Variants in LRP1B observed in about 807,000 individuals in gnomAD.
LRP1B encodes the protein low-density lipoprotein receptor-related protein 1B.
Under a neutral mutation model 556.6 loss-of-function variants are expected in LRP1B, and 217 were observed. The observed-to-expected ratio is 0.39, with a 90% CI of 0.35 to 0.44. LRP1B has a LOEUF of 0.44. Ranked by LOEUF, LRP1B falls within the 20% of genes least tolerant of loss-of-function variation. LRP1B has a pLI of 1.00. For synonymous variants in LRP1B, 2,047 were observed against 1,865.8 expected, an observed-to-expected ratio of 1.10 and a Z score of -2.50; for missense variants, 5,053 against 5,620.8, an observed-to-expected ratio of 0.90 and a Z score of 3.23.
chr2:141,008,917 C>T (rs1489608371), intron 14 of LRP1B, among the ~76,000 whole-genome samples: 2 of 151,854 alleles, frequency 1.3e-5, no homozygotes. Context: ...ATTTCACAAG[C>T]CTATATTAAC....
At chr2:140,936,279 G>T (rs1183653647) in intron 20 of LRP1B, among the ~76,000 whole-genome samples, 4 of 139,638 alleles carry the variant, frequency 2.9e-5, no homozygotes, top group Non-Finnish European at 6.1e-5. Flanking sequence ...GGTGGAGGTT[G>T]CAGTGAGCTG....
Position 140,791,688 on chromosome 2 carries a change from A to G in LRP1B, c.5360-15450T>C, listed in dbSNP as rs577691474. Among the ~76,000 whole-genome samples, 3 of 152,310 alleles carry G rather than the reference A, an allele frequency of 2.0e-5. No homozygotes were observed. In the South Asian group the frequency reaches 6.2e-4, roughly 32 times the overall value. On this transcript the variant is annotated intron_variant, in intron 32 of 90. Transcript: ENST00000389484. ...GGGGCCAGAAGGAGCCATAATAGAC[A>G]ATGAGTCAGTCAGAACCAACTATTC...
chr2:141,234,920 T>G (rs1438954523), intron 5 of LRP1B, among the ~76,000 whole-genome samples: 2 of 152,094 alleles, frequency 1.3e-5, no homozygotes, highest in Non-Finnish European at 2.9e-5. Flanking sequence ...GAAAAAAATA[T>G]AGCATTGAAA....
At chr2:141,072,983 C>T (rs1164898383) in intron 7 of LRP1B, among the ~76,000 whole-genome samples, 2 of 152,154 alleles carry the variant, frequency 1.3e-5, no homozygotes, top group African/African-American at 4.8e-5. Flanking sequence ...CAACTATTTC[C>T]CTTTCTTCTG....
At chr2:141,385,409 G>T (rs1299813746) in intron 3 of LRP1B, among the ~76,000 whole-genome samples, 1 of 152,072 alleles carries the variant, frequency 6.6e-6, no homozygotes, top group East Asian at 1.9e-4. Context: ...CCCTATCTCT[G>T]GTCCCAATCA....
intron 7 of LRP1B, among the ~76,000 whole-genome samples, chr2:141,131,825 C>T (rs372512736): frequency 7.3e-5 from 11 of 151,114 alleles, no homozygotes; most frequent in East Asian, 3.9e-4. Context: ...ATACTGTTGT[C>T]CCCAAACAGC....
rs529695263 is a variant in LRP1B at position 140,757,652 on chromosome 2, C to T, written c.5758+11561G>A. On this transcript the variant is annotated intron_variant, in intron 35 of 90. Transcript: ENST00000389484. ...ATCCCACACTTTGGGAGGCTGAGGC[C>T]GGCGGATCATTTGAGGCCAGGAGTT... Among the ~76,000 whole-genome samples, 61 of 152,204 alleles carry T rather than the reference C, an allele frequency of 4.0e-4. 1 individual carries two copies. In the South Asian group the frequency reaches 0.013, roughly 32 times the overall value.
chr2:140,643,820 G>A (rs1277467039), intron 41 of LRP1B, among the ~76,000 whole-genome samples: 2 of 152,048 alleles, frequency 1.3e-5, no homozygotes, highest in African/African-American at 4.8e-5. Context: ...ATAACATACT[G>A]TGTGTTCCAT....
chr2:141,254,538 A>G lies in LRP1B; in HGVS notation c.447T>C (p.Asp149=), dbSNP rs1204154410. ...TTTACTTACCTTTACAGCTTCTCCC[A>G]TCTTCTGTTATTTCGAATCCATCCT... ...YCEDGFEITE[D]GRSCKDQDEC... Residue 149 remains aspartate (D), a synonymous_variant, in exon 4 of 91, where the codon GAT becomes GAC. Coordinates refer to ENST00000389484, the MANE Select transcript of LRP1B (RefSeq NM_018557.3). 6 of 1,611,870 alleles carry G rather than the reference A, an allele frequency of 3.7e-6. No homozygotes were observed. Among genetic ancestry groups the G allele is most frequent in the Admixed American group, 3.3e-5 (2 of 59,850 alleles).
chr2:140,665,457 C>A (rs952420732), intron 41 of LRP1B, among the ~76,000 whole-genome samples: 9 of 152,184 alleles, frequency 5.9e-5, no homozygotes, highest in African/African-American at 2.2e-4. Flanking sequence ...AACTTCACAA[C>A]ACTGTTATCC....
chr2:140,699,828 A>G (rs527705913), intron 41 of LRP1B, among the ~76,000 whole-genome samples: 251 of 147,420 alleles, frequency 1.7e-3, no homozygotes, highest in Non-Finnish European at 2.8e-3. Flanking sequence ...ATACACATAT[A>G]TACAGAAAAA....
chr2:141,722,344 C>G (rs997500586), intron 2 of LRP1B, among the ~76,000 whole-genome samples: 1 of 152,114 alleles, frequency 6.6e-6, no homozygotes, highest in East Asian at 1.9e-4. Context: ...CGCCACTGCA[C>G]TACAGCTTGG....
rs374364276 is a variant in LRP1B, at chr2:141,316,583, T to C, written c.344-61942A>G. 2.6e-4 allele frequency among the ~76,000 whole-genome samples: 39 copies of C among 152,302 alleles called. No individual in the cohort carries two copies. The East Asian group carries it at 2.7e-3, about 11-fold the overall frequency. On this transcript the variant is annotated intron_variant, in intron 3 of 90. Transcript: ENST00000389484. ...GGGGCAATGATGACCAGTTTCTGTT[T>C]TATAAATCTCTTACTAGTCACTCAG...
At chr2:140,652,764 TG>T (rs1268988937) in intron 41 of LRP1B, among the ~76,000 whole-genome samples, 1 of 152,040 alleles carries the variant, frequency 6.6e-6, no homozygotes, top group Non-Finnish European at 1.5e-5. Context: ...GTTGAAAACA[TG>T]CCAATCCAAC....
At chr2:141,615,319 C>T (rs1184565308) in intron 2 of LRP1B, among the ~76,000 whole-genome samples, 2 of 152,118 alleles carry the variant, frequency 1.3e-5, no homozygotes, top group Non-Finnish European at 2.9e-5. Flanking sequence ...AAGACTGTAA[C>T]AGTTTAATAC....
intron 32 of LRP1B, 125 bp from the exon 33 acceptor site, chr2:140,776,363 G>A: frequency 1.7e-6 from 1 of 604,374 alleles, no homozygotes; most frequent in Non-Finnish European, 2.4e-6. Flanking sequence ...GTTTCTAAGG[G>A]AAACAGTAAA....
At chr2:141,361,638 A>T (rs1688830284) in intron 3 of LRP1B, among the ~76,000 whole-genome samples, 2 of 152,208 alleles carry the variant, frequency 1.3e-5, no homozygotes, top group Non-Finnish European at 2.9e-5. Flanking sequence ...TTAACTGATT[A>T]GTTCAGTGCT....
intron 2 of LRP1B, among the ~76,000 whole-genome samples, chr2:141,651,459 T>G (rs1289666082): frequency 6.6e-6 from 1 of 152,120 alleles, no homozygotes; most frequent in Non-Finnish European, 1.5e-5. Context: ...AGGTCGGTAG[T>G]CCAAGATCAG....
intron 66 of LRP1B, among the ~76,000 whole-genome samples, chr2:140,397,478 C>T (rs189765838): frequency 1.3e-5 from 2 of 152,186 alleles, no homozygotes; most frequent in African/African-American, 2.4e-5. Context: ...GTAACATATA[C>T]TTTTTGGGAA....
Sources: allele counts gnomAD v4.1 joint callset (sites outside exome capture counted in the v4.1 genomes callset), GRCh38; gene constraint gnomAD v4.1.1; transcripts MANE v1.5; gene names NCBI Gene and HGNC (gene_info 2026-07-23, HGNC 2026-07-21).